The following CSMD3 variants were observed in gnomAD, a reference collection of about 807,000 sequenced individuals.
CSMD3 encodes CUB and sushi domain-containing protein 3.
Under a neutral mutation model 435.2 loss-of-function variants are expected in CSMD3, and 177 were observed. The ratio of observed to expected loss-of-function variants is 0.41; its 90% CI spans 0.36 to 0.46. The LOEUF is 0.46. CSMD3 is among the 20% of genes least tolerant of loss of function. The pLI is 0.34. For synonymous variants in CSMD3, 1,656 were observed against 1,520.5 expected (o/e 1.09, Z -2.07); for missense variants, 4,265 against 4,504.6 (o/e 0.95, Z 1.52).
intron 27 of CSMD3, among the ~76,000 whole-genome samples, chr8:112,529,544 T>C (rs534753742): frequency 5.9e-5 from 9 of 152,122 alleles, no homozygotes; most frequent in African/African-American, 2.2e-4. Context: ...GCTGTAAGCA[T>C]GCCGCTGCAC....
At position 112,921,624 on chromosome 8, in the gene CSMD3, T is replaced by A; in HGVS notation, c.1633+3A>T. 6.2e-7 allele frequency: 1 copy of A among 1,611,618 alleles called. No individual in the cohort carries two copies. Among genetic ancestry groups the A allele is most frequent in the Non-Finnish European group, 8.5e-7 (1 of 1,178,030 alleles). On this transcript the variant is annotated splice_donor_region_variant and intron_variant, in intron 10 of 70. Coordinates refer to ENST00000297405, the MANE Select transcript of CSMD3 (RefSeq NM_198123.2). ...TTCAGAGGGCATTATTATAAAACAT[T>A]ACCTTTACACACAGGCCTGTGATCA... is the stretch of plus-strand genomic sequence containing the variant.
At chr8:112,606,472 T>C (rs1040680382) in intron 22 of CSMD3, among the ~76,000 whole-genome samples, 4 of 152,110 alleles carry the variant, frequency 2.6e-5, no homozygotes, top group South Asian at 2.1e-4. Context: ...ATGCTTTGCC[T>C]CCAGAACCCC....
At chr8:113,304,061 C>T (rs78456222) in intron 2 of CSMD3, among the ~76,000 whole-genome samples, 128,069 of 128,240 alleles carry the variant, frequency 1, 63,957 homozygotes, top group Middle Eastern at 1. Flanking sequence ...TCAAACAAAT[C>T]TACAAGAAAA....
intron 6 of CSMD3, among the ~76,000 whole-genome samples, chr8:113,002,695 T>C (rs780647888): frequency 2.8e-4 from 43 of 152,112 alleles, no homozygotes; most frequent in Non-Finnish European, 6.0e-4. Context: ...GACTAGGTTA[T>C]AACTTTATCA....
In CSMD3 at chr8:112,352,500, A is replaced by G. The variant is rs2131063731; in HGVS notation, c.6171T>C (p.Thr2057=). The change falls in exon 39 of 71, where the codon ACT becomes ACC. Residue 2057 remains threonine (T), a synonymous_variant. Transcript: ENST00000297405. Reference sequence around the variant, plus strand: ...CTCCAATTTTAATTCCACTGCTAGGAGTTTGTGGTTCAGGACAGGAATCCA... The same window carrying G: ...CTCCAATTTTAATTCCACTGCTAGGGGTTTGTGGTTCAGGACAGGAATCCA... ...IGLDSCPEPQ[T]PSSGIKIGDR... 1 of 1,613,628 alleles carries G rather than the reference A, an allele frequency of 6.2e-7. No individual in the cohort carries two copies. The highest frequency in any genetic ancestry group is 1.1e-5 in the South Asian group (1 of 91,076).
Position 112,224,648 on chromosome 8 carries a change from C to T in CSMD3, c.*123G>A. ...TGAAAAAACACTCTTCTGTATCATT[C>T]CTCAGGAAAAGGTGACCCAGCAAGT... On this transcript the variant is annotated 3_prime_UTR_variant, in exon 71 of 71. Coordinates refer to ENST00000297405, the MANE Select transcript of CSMD3 (RefSeq NM_198123.2). 2.2e-6 allele frequency: 2 copies of T among 905,554 alleles called. No individual in the cohort carries two copies. 56.1% of individuals were successfully genotyped at this position (905,554 alleles called of 1,614,324 possible). A position where few individuals can be genotyped will look rare whatever the true frequency, so the allele number is the denominator to read the frequency against.
chr8:113,272,406 C>G (rs1216536900), intron 3 of CSMD3, among the ~76,000 whole-genome samples: 1 of 152,120 alleles, frequency 6.6e-6, no homozygotes, highest in Non-Finnish European at 1.5e-5. Context: ...GCAGTTTCCC[C>G]CATACTGTTC....
At chr8:112,909,061 T>C (rs2082337201) in intron 10 of CSMD3, among the ~76,000 whole-genome samples, 1 of 151,488 alleles carries the variant, frequency 6.6e-6, no homozygotes. Flanking sequence ...TAGAAATATC[T>C]AGGAGATGTG....
chr8:113,436,906 T>C lies in CSMD3; in HGVS notation c.-52A>G, dbSNP rs1011970135. ...TCCTCAGCCCGGCGCAGTGGAGTTG[T>C]TGCTGTTGTTGGTGCGCGGTCACAG... On this transcript the variant is annotated 5_prime_UTR_variant, in exon 1 of 71. Transcript: ENST00000297405. 6.2e-7 allele frequency: 1 copy of C among 1,603,978 alleles called. No individual in the cohort carries two copies. The highest frequency in any genetic ancestry group is 8.5e-7 in the Non-Finnish European group (1 of 1,172,708).
chr8:112,988,437 T>A lies in CSMD3; in HGVS notation c.1031-12289A>T, dbSNP rs75287432. Among the ~76,000 whole-genome samples, 1,005 of 152,200 alleles carry A rather than the reference T, an allele frequency of 6.6e-3. 11 individuals carry two copies. The highest frequency in any genetic ancestry group is 0.023 in the African/African-American group (964 of 41,546). ...TTAAGGGTGAAGTTTGATACCTCTA[T>A]GTTCTATTTTGTCTTTTAACAATTT... On this transcript the variant is annotated intron_variant, in intron 6 of 70. Transcript: ENST00000297405.
At chr8:112,947,740 A>G (rs377676533) in intron 9 of CSMD3, 50 bp downstream of exon 9, 2 of 822,946 alleles carry the variant, frequency 2.4e-6, no homozygotes, top group East Asian at 2.5e-5. Flanking sequence ...ATTTAAATTA[A>G]AATAAACCTT....
At chr8:112,427,196 T>G (rs1290320427) in intron 32 of CSMD3, among the ~76,000 whole-genome samples, 2 of 152,192 alleles carry the variant, frequency 1.3e-5, no homozygotes, top group Admixed American at 1.3e-4. Flanking sequence ...TGTCTACAAC[T>G]AAACTCATCT....
chr8:112,729,059 A>T (rs2077024150), intron 13 of CSMD3, among the ~76,000 whole-genome samples: 1 of 152,054 alleles, frequency 6.6e-6, no homozygotes, highest in Non-Finnish European at 1.5e-5. Flanking sequence ...ATTTCTGTGG[A>T]ACAAGTTTTT....
intron 22 of CSMD3, among the ~76,000 whole-genome samples, chr8:112,633,113 A>T (rs1179597744): frequency 6.6e-6 from 1 of 152,012 alleles, no homozygotes; most frequent in African/African-American, 2.4e-5. Context: ...GTGTAATAAA[A>T]CTTTTCCTGT....
At position 112,431,116 on chromosome 8, in the gene CSMD3, C is replaced by T. The variant is rs375801213; in HGVS notation, c.5396-22084G>A. 1.4e-4 allele frequency among the ~76,000 whole-genome samples: 21 copies of T among 152,092 alleles called. No homozygotes were observed. The East Asian group carries it at 3.5e-3, about 25-fold the overall frequency. The stretch of plus-strand genomic sequence containing the variant: ...TAGGTTAACTTCATTAGACTATAGG[C>T]TATTGAAATAACAAAAGGAAGAAAT... On this transcript the variant is annotated intron_variant, in intron 32 of 70. Coordinates refer to ENST00000297405, the MANE Select transcript of CSMD3 (RefSeq NM_198123.2).
intron 3 of CSMD3, among the ~76,000 whole-genome samples, chr8:113,241,822 C>T (rs961636968): frequency 6.6e-6 from 1 of 151,836 alleles, no homozygotes; most frequent in Non-Finnish European, 1.5e-5. Flanking sequence ...ACACACATCA[C>T]TGACTTTTTC....
At chr8:112,952,984 A>G (rs1163313728) in intron 8 of CSMD3, among the ~76,000 whole-genome samples, 1 of 149,460 alleles carries the variant, frequency 6.7e-6, no homozygotes, top group Admixed American at 6.6e-5. Context: ...ATATACCAAC[A>G]GGGATATAGA....
chr8:113,305,745 T>C (rs919979992), intron 2 of CSMD3, among the ~76,000 whole-genome samples: 1 of 152,216 alleles, frequency 6.6e-6, no homozygotes, highest in Admixed American at 6.5e-5. Flanking sequence ...GTCCTTGAGA[T>C]CTATGCAATC....
chr8:113,404,577 T>A (rs2094524294), intron 1 of CSMD3, among the ~76,000 whole-genome samples: 1 of 151,364 alleles, frequency 6.6e-6, no homozygotes, highest in Non-Finnish European at 1.5e-5. Context: ...ATAATATAAT[T>A]TTAAAGTGAA....
Sources: allele counts gnomAD v4.1 joint callset (sites outside exome capture counted in the v4.1 genomes callset), GRCh38; gene constraint gnomAD v4.1.1; transcripts MANE v1.5; gene names NCBI Gene and HGNC (gene_info 2026-07-23, HGNC 2026-07-21).